Variants in AHI1 observed in about 807,000 individuals in gnomAD.
AHI1 encodes jouberin.
A neutral mutation model predicts 149.3 loss-of-function variants in AHI1; 123 were observed. The observed-to-expected ratio is 0.82, with a 90% confidence interval of 0.71 to 0.96. AHI1 has a LOEUF of 0.96. AHI1 is among the 40% of genes least tolerant of loss of function. The pLI is 0.00. For missense variants in AHI1, 1,439 were observed against 1,422.7 expected, an observed-to-expected ratio of 1.01 and a Z score of -0.18; for synonymous variants, 475 against 459.8, an observed-to-expected ratio of 1.03 and a Z score of -0.42.
At chr6:135,405,062 T>C (rs1415700902) in intron 21 of AHI1, 85 bp from the exon 22 acceptor site, 11 of 1,136,680 alleles carry the variant, frequency 9.7e-6, no homozygotes, top group Non-Finnish European at 1.3e-5. Context: ...GTTTATCTTC[T>C]AATAACCTAA....
intron 23 of AHI1, among the ~76,000 whole-genome samples, chr6:135,372,270 C>T (rs1209360550): frequency 6.6e-6 from 1 of 152,108 alleles, no homozygotes; most frequent in Non-Finnish European, 1.5e-5. Flanking sequence ...CTTCAAGAGC[C>T]TCAGTAGCCT....
At chr6:135,477,616 G>A (rs1035298735) in intron 5 of AHI1, among the ~76,000 whole-genome samples, 6 of 152,084 alleles carry the variant, frequency 3.9e-5, no homozygotes, top group Admixed American at 3.9e-4. Context: ...TGGAGTTCTT[G>A]CAAGATCTGA....
intron 25 of AHI1, among the ~76,000 whole-genome samples, chr6:135,320,765 T>C (rs1371912742): frequency 6.6e-6 from 1 of 152,000 alleles, no homozygotes; most frequent in East Asian, 1.9e-4. Context: ...ATGAAAAGAG[T>C]AATGGATTGT....
intron 24 of AHI1, among the ~76,000 whole-genome samples, chr6:135,356,945 T>C (rs889333234): frequency 6.6e-6 from 1 of 152,232 alleles, no homozygotes; most frequent in South Asian, 2.1e-4. Flanking sequence ...ATTACCTTTA[T>C]TTATTTATTT....
chr6:135,369,841 A>T (rs567315379), intron 23 of AHI1, among the ~76,000 whole-genome samples: 1 of 152,186 alleles, frequency 6.6e-6, no homozygotes, highest in Non-Finnish European at 1.5e-5. Flanking sequence ...GGTCTAGACT[A>T]TAATTCATTT....
intron 8 of AHI1, among the ~76,000 whole-genome samples, chr6:135,461,104 TGA>T (rs1789810771): frequency 6.6e-6 from 1 of 151,146 alleles, no homozygotes; most frequent in South Asian, 2.1e-4. Context: ...AAGACACCAA[TGA>T]GAGAGAAATA....
At chr6:135,390,871 A>G (rs1263436903) in intron 23 of AHI1, among the ~76,000 whole-genome samples, 1 of 152,184 alleles carries the variant, frequency 6.6e-6, no homozygotes, top group Non-Finnish European at 1.5e-5. Flanking sequence ...AGTTGCTGTT[A>G]TTGTTTCATA....
rs577047277 is a variant in AHI1, at chr6:135,487,551, A to G, written c.135+3072T>C. Among the ~76,000 whole-genome samples, 9 of 152,278 alleles carry G rather than the reference A, an allele frequency of 5.9e-5. No homozygotes were observed. The South Asian group carries it at 1.2e-3, about 21-fold the overall frequency. ...TTCCCATCAAAAAAATTTTTAACTGATACATAATAGTTGTACATATTTTGG... is the reference window on the plus strand; with the variant it reads ...TTCCCATCAAAAAAATTTTTAACTGGTACATAATAGTTGTACATATTTTGG... On this transcript the variant is annotated intron_variant, in intron 5 of 28. Coordinates refer to ENST00000265602, the MANE Select transcript of AHI1 (RefSeq NM_001134831.2).
intron 19 of AHI1, among the ~76,000 whole-genome samples, chr6:135,427,950 A>G (rs1273825292): frequency 6.6e-6 from 1 of 151,568 alleles, no homozygotes; most frequent in East Asian, 1.9e-4. Flanking sequence ...AAACAATCAA[A>G]CAAAAACCTA....
chr6:135,457,073 G>A (rs1393440930), intron 9 of AHI1, among the ~76,000 whole-genome samples: 2 of 151,976 alleles, frequency 1.3e-5, no homozygotes, highest in East Asian at 3.9e-4. Flanking sequence ...CAGGTAGATC[G>A]CCTGAGGTCA....
chr6:135,318,130 G>A (rs1786256364), intron 26 of AHI1, among the ~76,000 whole-genome samples: 1 of 152,222 alleles, frequency 6.6e-6, no homozygotes, highest in Non-Finnish European at 1.5e-5. Flanking sequence ...CAGAAAGACA[G>A]AACTTCTTAA....
chr6:135,427,367 C>G, intron 19 of AHI1, 60 bp from the exon 20 acceptor site: 2 of 1,409,660 alleles, frequency 1.4e-6, no homozygotes, highest in Non-Finnish European at 1.9e-6. Flanking sequence ...GATAAATCTT[C>G]TCACAAGATT....
At chr6:135,404,584 A>G (rs946144891) in intron 22 of AHI1, among the ~76,000 whole-genome samples, 31 of 152,254 alleles carry the variant, frequency 2.0e-4, no homozygotes, top group African/African-American at 7.5e-4. Flanking sequence ...CATGCATTTC[A>G]ATGCTTATAC....
intron 16 of AHI1, among the ~76,000 whole-genome samples, chr6:135,432,219 C>T (rs188935339): frequency 1.3e-5 from 2 of 152,098 alleles, no homozygotes; most frequent in Admixed American, 6.5e-5. Context: ...GGATCCCATA[C>T]CAATTAATTA....
At chr6:135,298,034 A>T (rs1783358427) in intron 27 of AHI1, among the ~76,000 whole-genome samples, 1 of 152,294 alleles carries the variant, frequency 6.6e-6, no homozygotes, top group South Asian at 2.1e-4. Context: ...ATGTTAAAAA[A>T]AACCCAACAA....
chr6:135,363,805 G>A (rs1353087103), intron 23 of AHI1, among the ~76,000 whole-genome samples: 12 of 148,732 alleles, frequency 8.1e-5, no homozygotes, highest in South Asian at 2.1e-4. Flanking sequence ...GGTGGTGGCC[G>A]GGCAGAGGGG....
At chr6:135,364,389 A>C (rs1462755436) in intron 23 of AHI1, among the ~76,000 whole-genome samples, 2 of 147,106 alleles carry the variant, frequency 1.4e-5, no homozygotes, top group African/African-American at 5.2e-5. Flanking sequence ...CCGGGCAGAG[A>C]CGCTCCTCAC....
rs1781581546 is a variant in AHI1, at chr6:135,285,633, T to C, written c.*12A>G. 5.6e-6 allele frequency: 9 copies of C among 1,607,770 alleles called. No homozygotes were observed. Among genetic ancestry groups the C allele is most frequent in the Non-Finnish European group, 7.7e-6 (9 of 1,176,228 alleles). ...TGTGCATTTCGGCAGCTCTTAACTT[T>C]TCTTCAATTCTTTACTGGAAAGAAA... On this transcript the variant is annotated 3_prime_UTR_variant, in exon 29 of 29. Coordinates refer to ENST00000265602, the MANE Select transcript of AHI1 (RefSeq NM_001134831.2).
intron 23 of AHI1, among the ~76,000 whole-genome samples, chr6:135,389,306 C>CT (rs1201477090): frequency 2.5e-5 from 3 of 118,550 alleles, no homozygotes; most frequent in Non-Finnish European, 5.0e-5. Flanking sequence ...AAGACTCTGT[C>CT]TAAAAAAAAA....
Sources: gnomAD v4.1 joint callset for allele counts (sites outside exome capture counted in the v4.1 genomes callset) on GRCh38, gnomAD v4.1.1 for gene constraint, MANE v1.5 for transcripts, NCBI Gene and HGNC (gene_info 2026-07-23, HGNC 2026-07-21) for gene names.